The following KCND3 variants were observed in gnomAD, a reference collection of about 807,000 sequenced individuals.
KCND3 encodes the protein potassium voltage-gated channel subfamily D member 3, also known as A-type voltage-gated potassium channel KCND3.
In KCND3, 9 loss-of-function variants were observed where a neutral mutation model predicts 51.1. That is an observed-to-expected ratio of 0.18 (90% CI 0.11 to 0.31). KCND3 has a LOEUF of 0.31. KCND3 is among the 10% of genes least tolerant of loss of function. The probability of loss-of-function intolerance (pLI) is 1.00; values close to 1 mark genes in which losing one functional copy is unlikely to be tolerated. For missense variants in KCND3, 526 were observed against 903.8 expected, an observed-to-expected ratio of 0.58 and a Z score of 5.36; for synonymous variants, 349 against 368.0, an observed-to-expected ratio of 0.95 and a Z score of 0.59.
chr1:111,775,739 C>T lies in KCND3; in HGVS notation c.*338G>A, dbSNP rs2101449430. On this transcript the variant is annotated 3_prime_UTR_variant, in exon 8 of 8. Coordinates refer to ENST00000302127, the MANE Select transcript of KCND3 (RefSeq NM_001378969.1). ...TCCTCACTGGGGTCTCCAGAAACGA[C>T]TGTTATTTGGTCTGAGTCTGAGGCT... 1 of 392,362 alleles carries T rather than the reference C, an allele frequency of 2.5e-6. No individual in the cohort carries two copies. The allele number at this position is 392,362 out of a possible 1,614,324, so 24.3% of individuals were successfully genotyped here. A position where few individuals can be genotyped will look rare whatever the true frequency, so the allele number is the denominator to read the frequency against.
intron 2 of KCND3, among the ~76,000 whole-genome samples, chr1:111,868,052 C>T (rs562298): frequency 0.024 from 3,679 of 152,310 alleles, 137 homozygotes; most frequent in African/African-American, 0.085. Flanking sequence ...GAGTGCCTGG[C>T]AAACTAAACA....
chr1:111,935,039 C>G (rs1016846757), intron 2 of KCND3, among the ~76,000 whole-genome samples: 5 of 152,182 alleles, frequency 3.3e-5, no homozygotes, highest in African/African-American at 1.2e-4. Flanking sequence ...TGAGTAATCA[C>G]TGGAGGTCAC....
intron 2 of KCND3, among the ~76,000 whole-genome samples, chr1:111,866,263 CT>C (rs11399761): frequency 6.6e-4 from 36 of 54,254 alleles, no homozygotes; most frequent in African/African-American, 1.1e-3. Context: ...CTTTTCTTTT[CT>C]TTTTTTTTTT....
chr1:111,888,115 C>T (rs1669651655), intron 2 of KCND3, among the ~76,000 whole-genome samples: 1 of 152,202 alleles, frequency 6.6e-6, no homozygotes, highest in South Asian at 2.1e-4. Context: ...AGGCTCTGCT[C>T]AGACCAGCTG....
intron 2 of KCND3, among the ~76,000 whole-genome samples, chr1:111,967,077 T>G (rs1674033026): frequency 6.6e-6 from 1 of 150,674 alleles, no homozygotes; most frequent in Non-Finnish European, 1.5e-5. Flanking sequence ...GAGGCAGAGA[T>G]TGCAGTGAGC....
At chr1:111,969,391 T>C (rs1674200818) in intron 2 of KCND3, among the ~76,000 whole-genome samples, 1 of 152,188 alleles carries the variant, frequency 6.6e-6, no homozygotes, top group African/African-American at 2.4e-5. Context: ...TTTCTCCACC[T>C]TCCAGGGAAG....
intron 1 of KCND3, chr1:111,989,272 C>T (rs986159635): frequency 2.6e-5 from 4 of 152,384 alleles, no homozygotes; most frequent in African/African-American, 9.7e-5. Flanking sequence ...CCCCCGAACC[C>T]CAGCGCCTGG....
At position 111,981,555 on chromosome 1, in the gene KCND3, G is replaced by A; in HGVS notation, c.1106+66C>T. 1 of 1,609,784 alleles carries A rather than the reference G, an allele frequency of 6.2e-7. No individual in the cohort carries two copies. The highest frequency in any genetic ancestry group is 1.1e-5 in the South Asian group (1 of 90,398). ...CTCTACCCATGGTGACACCATCCAAGGTTTCAGAGGTCATCCAGCTGCCCT... is the reference window on the plus strand; with the variant it reads ...CTCTACCCATGGTGACACCATCCAAAGTTTCAGAGGTCATCCAGCTGCCCT... On this transcript the variant is annotated intron_variant, in intron 2 of 7. Transcript: ENST00000302127. This position sits in a 1 kb window ranked among gnomAD's most constrained non-coding sequence, Gnocchi z 6.2.
chr1:111,840,234 G>A (rs555007240), intron 2 of KCND3, among the ~76,000 whole-genome samples: 3 of 152,178 alleles, frequency 2.0e-5, no homozygotes, highest in Non-Finnish European at 2.9e-5. Context: ...TTGGAAATTC[G>A]GTTCCAACAT....
chr1:111,832,313 G>A lies in KCND3; in HGVS notation c.1107-45207C>T, dbSNP rs76111173. The stretch of plus-strand genomic sequence containing the variant: ...CCTATGGTTTGTAACTCCGAGAGAA[G>A]CCTGGGACGTTGGGTGACAATGTGG... On this transcript the variant is annotated intron_variant, in intron 2 of 7. Coordinates refer to ENST00000302127, the MANE Select transcript of KCND3 (RefSeq NM_001378969.1). Among the ~76,000 whole-genome samples the A allele has an allele frequency of 5.2e-3, 785 of 152,302 alleles. 12 individuals carry two copies. Among genetic ancestry groups the A allele is most frequent in the African/African-American group, 0.018 (731 of 41,560 alleles).
intron 1 of KCND3, among the ~76,000 whole-genome samples, chr1:111,985,815 G>T (rs1675244384): frequency 6.6e-6 from 1 of 152,210 alleles, no homozygotes. Context: ...GGGAGGTTGA[G>T]TCAGATGCTG....
intron 3 of KCND3, among the ~76,000 whole-genome samples, chr1:111,781,624 AT>A (rs559723194): frequency 1.3e-5 from 2 of 152,222 alleles, no homozygotes; most frequent in South Asian, 4.1e-4. Context: ...GGTTCAAGCA[AT>A]TCTCCTGCCT....
chr1:111,964,207 G>C (rs1348158184), intron 2 of KCND3, among the ~76,000 whole-genome samples: 2 of 152,212 alleles, frequency 1.3e-5, no homozygotes, highest in Non-Finnish European at 2.9e-5. Flanking sequence ...TCTGGGACTT[G>C]ACTGTCTGCC....
chr1:111,960,922 A>G (rs1673616508), intron 2 of KCND3, among the ~76,000 whole-genome samples: 1 of 151,948 alleles, frequency 6.6e-6, no homozygotes, highest in South Asian at 2.1e-4. Context: ...GGGGAACCCC[A>G]TCCAAATGCC....
chr1:111,887,298 G>A (rs1220813984), intron 2 of KCND3, among the ~76,000 whole-genome samples: 1 of 152,190 alleles, frequency 6.6e-6, no homozygotes, highest in Non-Finnish European at 1.5e-5. Flanking sequence ...ATCATACCTT[G>A]TGAGAAAATA....
chr1:111,964,760 T>C (rs1304392805), intron 2 of KCND3, among the ~76,000 whole-genome samples: 1 of 152,206 alleles, frequency 6.6e-6, no homozygotes, highest in African/African-American at 2.4e-5. Context: ...GGTATTGTCC[T>C]ACCCACCAGG....
intron 2 of KCND3, among the ~76,000 whole-genome samples, chr1:111,937,719 T>C (rs1288728603): frequency 3.9e-5 from 6 of 152,118 alleles, no homozygotes; most frequent in Non-Finnish European, 7.4e-5. Context: ...TTCCCAGGAA[T>C]GGCCAAGGAA....
chr1:111,810,830 T>TGG (rs1345748959), intron 2 of KCND3, among the ~76,000 whole-genome samples: 1 of 152,160 alleles, frequency 6.6e-6, no homozygotes, highest in Non-Finnish European at 1.5e-5. Context: ...GTTTTTTATG[T>TGG]GGGTGTGTGC....
chr1:111,930,822 A>T (rs1016265562), intron 2 of KCND3, among the ~76,000 whole-genome samples: 5 of 152,240 alleles, frequency 3.3e-5, no homozygotes, highest in African/African-American at 1.2e-4. Context: ...AGTGAGACTT[A>T]ACCGTGACAT....
Sources: gnomAD v4.1 joint callset for allele counts (sites outside exome capture counted in the v4.1 genomes callset) on GRCh38, gnomAD v4.1.1 for gene constraint, Gnocchi (gnomAD v3.1) non-coding constraint, MANE v1.5 for transcripts, NCBI Gene and HGNC (gene_info 2026-07-23, HGNC 2026-07-21) for gene names.